Variants in CLCN6 observed in about 807,000 individuals in gnomAD.
The protein encoded by CLCN6 is H(+)/Cl(-) exchange transporter 6.
In CLCN6, 70 loss-of-function variants were observed where a neutral mutation model predicts 109.8. That is an observed-to-expected ratio of 0.64 (90% CI 0.53 to 0.78). The LOEUF (loss-of-function observed/expected upper bound fraction) is 0.78. Ranked by LOEUF, CLCN6 falls within the 30% of genes least tolerant of loss-of-function variation. The pLI is 0.00. For synonymous variants in CLCN6, 444 were observed against 447.8 expected, an observed-to-expected ratio of 0.99 and a Z score of 0.11; for missense variants, 984 against 1,142.3, an observed-to-expected ratio of 0.86 and a Z score of 2.00.
At chr1:11,830,987 C>T (rs1261161268) in intron 13 of CLCN6, among the ~76,000 whole-genome samples, 1 of 151,640 alleles carries the variant, frequency 6.6e-6, no homozygotes, top group East Asian at 1.9e-4. Flanking sequence ...GCACCCACCA[C>T]CATGCCCAGC....
Position 11,838,551 on chromosome 1 carries a change from TGAA to T in CLCN6, c.2421_2423del (p.Met807_Asn808delinsIle). 3 of 1,610,898 alleles carry T rather than the reference TGAA, an allele frequency of 1.9e-6. No homozygotes were observed. Among genetic ancestry groups the T allele is most frequent in the Non-Finnish European group, 2.5e-6 (3 of 1,177,304 alleles). ...TCTTTGCAGGATGTCACCCCATACATGAACCCTTCGCCTTTCACCGTCTCGCCC... is the reference window on the plus strand; with the variant it reads ...TCTTTGCAGGATGTCACCCCATACATCCCTTCGCCTTTCACCGTCTCGCCC... On this transcript the variant is annotated inframe_deletion, in exon 22 of 23. Coordinates refer to ENST00000346436, the MANE Select transcript of CLCN6 (RefSeq NM_001286.5).
At chr1:11,822,961 A>G (rs566865836) in intron 6 of CLCN6, among the ~76,000 whole-genome samples, 160 bp downstream of exon 6, 1 of 152,294 alleles carries the variant, frequency 6.6e-6, no homozygotes, top group African/African-American at 2.4e-5. Flanking sequence ...TGGTGAGATT[A>G]AAGAAGAAAG....
At chr1:11,820,362 A>G in intron 5 of CLCN6, 1 of 716,386 alleles carries the variant, frequency 1.4e-6, no homozygotes, top group Non-Finnish European at 2.6e-6. Context: ...TATAAATAAG[A>G]TAAATTCCAG....
At chr1:11,806,724 C>G in intron 1 of CLCN6, 1 of 349,638 alleles carries the variant, frequency 2.9e-6, no homozygotes. Flanking sequence ...TATCCCTCAC[C>G]CTTTCTGGGT....
rs112617866 is a variant in CLCN6 at position 11,818,543 on chromosome 1, A to G, written c.280-945A>G. ...TTAGGAAGGCACACCTGCCTTTATG[A>G]CATAGCACTCCCAACTCTTGTCCAT... On this transcript the variant is annotated intron_variant, in intron 4 of 22. Transcript: ENST00000346436. 2.8e-3 allele frequency among the ~76,000 whole-genome samples: 424 copies of G among 152,342 alleles called. 1 individual carries two copies. The highest frequency in any genetic ancestry group is 9.5e-3 in the African/African-American group (397 of 41,574).
chr1:11,840,114 A>G (rs774766778), intron 22 of CLCN6, 29 bp from the exon 23 acceptor site: 20 of 1,598,440 alleles, frequency 1.3e-5, no homozygotes, highest in Middle Eastern at 1.7e-4. Context: ...TTTACCCTGA[A>G]GGTGACTCAG....
intron 5 of CLCN6, 100 bp from the exon 6 acceptor site, chr1:11,822,595 C>A: frequency 1.4e-6 from 1 of 696,484 alleles, no homozygotes; most frequent in Non-Finnish European, 2.5e-6. Context: ...GTGCACTCAG[C>A]AGCCAGCATG....
intron 2 of CLCN6, among the ~76,000 whole-genome samples, chr1:11,809,751 C>T (rs781045791): frequency 1.3e-5 from 2 of 152,182 alleles, no homozygotes; most frequent in African/African-American, 2.4e-5. Flanking sequence ...AGCCACCACG[C>T]GTGGCCATAT....
At position 11,806,285 on chromosome 1, in the gene CLCN6, TGTGCTGCTGCTGCAG is replaced by T. The variant is rs1246097487; in HGVS notation, c.27_41del (p.Cys9_Arg13del). On this transcript the variant is annotated inframe_deletion, in exon 1 of 23. Coordinates refer to ENST00000346436, the MANE Select transcript of CLCN6 (RefSeq NM_001286.5). ...AAGATGGCGGGGTGCAGGGGGTCTC[TGTGCTGCTGCTGCAG>T]GTGGTGCTGCTGCTGCGGTGAGCGT... 1 of 1,503,136 alleles carries T rather than the reference TGTGCTGCTGCTGCAG, an allele frequency of 6.7e-7. No homozygotes were observed. Among genetic ancestry groups the T allele is most frequent in the East Asian group, 2.7e-5 (1 of 36,874 alleles). The allele number at this position is 1,503,136 out of a possible 1,614,324, so 93.1% of individuals were successfully genotyped here.
At chr1:11,831,013 A>G (rs888754291) in intron 13 of CLCN6, among the ~76,000 whole-genome samples, 6 of 148,794 alleles carry the variant, frequency 4.0e-5, no homozygotes, top group African/African-American at 1.2e-4. Context: ...TTGTATTTTT[A>G]GTAGAGATGG....
intron 13 of CLCN6, among the ~76,000 whole-genome samples, chr1:11,831,871 C>T (rs1458439575): frequency 6.6e-6 from 1 of 151,378 alleles, no homozygotes; most frequent in African/African-American, 2.5e-5. Flanking sequence ...GACAGGATCT[C>T]ACTATGTTGC....
At chr1:11,817,912 A>G (rs1390898097) in intron 4 of CLCN6, among the ~76,000 whole-genome samples, 1 of 152,168 alleles carries the variant, frequency 6.6e-6, no homozygotes, top group African/African-American at 2.4e-5. Context: ...CTTCAGTGAT[A>G]TTCTGATGGA....
Position 11,806,203 on chromosome 1 carries a change from C to G in CLCN6, c.-60C>G. The G allele has an allele frequency of 7.3e-7, 1 of 1,361,376 alleles. No individual in the cohort carries two copies. The highest frequency in any genetic ancestry group is 1.9e-5 in the South Asian group (1 of 53,282). The allele number at this position is 1,361,376 out of a possible 1,614,324, so 84.3% of individuals were successfully genotyped here. A position where few individuals can be genotyped will look rare whatever the true frequency, so the allele number is the denominator to read the frequency against. On this transcript the variant is annotated 5_prime_UTR_variant, in exon 1 of 23. Transcript: ENST00000346436. ...CCGTCCCGGGGCCAGTCACGTGAGG[C>G]GCAGATCCTGGCTGGGAGGGGGTTG...
chr1:11,837,566 C>A, intron 20 of CLCN6, 67 bp downstream of exon 20: 9 of 1,523,374 alleles, frequency 5.9e-6, no homozygotes, highest in Non-Finnish European at 8.1e-6. Flanking sequence ...TGGGCGCTGC[C>A]GGCGGGCCGT....
chr1:11,829,358 C>A, intron 13 of CLCN6, 36 bp downstream of exon 13: 2 of 1,612,590 alleles, frequency 1.2e-6, no homozygotes, highest in South Asian at 1.1e-5. Context: ...TATCCCATAC[C>A]ACGAGGAAGA....
In CLCN6 at chr1:11,821,786, A is replaced by C. The variant is rs1468374939; in HGVS notation, c.347-909A>C. On this transcript the variant is annotated intron_variant, in intron 5 of 22. Transcript: ENST00000346436. Reference sequence around the variant, plus strand: ...TAATTATAGCTTTATGATAGCAAAAAGCTGGAGTCACCAAATGGGAGAATG... The same window carrying C: ...TAATTATAGCTTTATGATAGCAAAACGCTGGAGTCACCAAATGGGAGAATG... Among the ~76,000 whole-genome samples the C allele has an allele frequency of 2.0e-5, 3 of 152,258 alleles. No homozygotes were observed. In the East Asian group the frequency reaches 5.8e-4, roughly 29 times the overall value.
rs752502680 is a variant in CLCN6 at position 11,837,498 on chromosome 1, C to T, written c.2294C>T (p.Ser765Leu). ...GGAGTTTGTTACTCTGAAAGCCAGT[C>T]GGTAAGTCTCTCCGAGGCAGAAATC... The part of the protein sequence containing the change: ...VRGVCYSESQ[S>L]SASQPRLSYA... The change falls in exon 20 of 23, where the codon TCG (serine) becomes TTG (leucine). Residue 765 changes from serine to leucine, a missense_variant and splice_region_variant. Coordinates refer to ENST00000346436, the MANE Select transcript of CLCN6 (RefSeq NM_001286.5). The T allele has an allele frequency of 9.9e-6, 16 of 1,612,762 alleles. No homozygotes were observed. The highest frequency in any genetic ancestry group is 1.3e-5 in the Non-Finnish European group (15 of 1,179,020).
At chr1:11,826,243 T>C (rs374781945) in intron 9 of CLCN6, 29 bp downstream of exon 9, 115 of 1,583,108 alleles carry the variant, frequency 7.3e-5, no homozygotes, top group Non-Finnish European at 9.6e-5. Context: ...TTGGTTTCTT[T>C]TTTGGAAACA....
chr1:11,817,731 A>G (rs1644691629), intron 4 of CLCN6, among the ~76,000 whole-genome samples: 1 of 152,152 alleles, frequency 6.6e-6, no homozygotes, highest in Non-Finnish European at 1.5e-5. Context: ...CAAGCCTCCT[A>G]CTTAATTTGA....
Sources: gnomAD v4.1 joint callset for allele counts (sites outside exome capture counted in the v4.1 genomes callset) on GRCh38, gnomAD v4.1.1 for gene constraint, MANE v1.5 for transcripts, NCBI Gene and HGNC (gene_info 2026-07-23, HGNC 2026-07-21) for gene names.